The following ANKRD30B variants were observed in gnomAD, a reference collection of about 807,000 sequenced individuals.
ANKRD30B encodes ankyrin repeat domain-containing protein 30B.
ANKRD30B carries 144 observed loss-of-function variants against 202.2 expected under a neutral mutation model. The ratio of observed to expected loss-of-function variants is 0.71; its 90% confidence interval spans 0.62 to 0.82. The LOEUF is 0.82. Ranked by LOEUF, ANKRD30B falls within the 40% of genes least tolerant of loss-of-function variation. ANKRD30B has a pLI of 0.00. For synonymous variants in ANKRD30B, 508 were observed against 561.3 expected, an observed-to-expected ratio of 0.91 and a Z score of 1.34; for missense variants, 1,487 against 1,669.1, an observed-to-expected ratio of 0.89 and a Z score of 1.90.
chr18:14,885,353 C>A, the ANKRD30B span, among the ~76,000 whole-genome samples: 4 of 151,980 alleles, frequency 2.6e-5, no homozygotes, highest in Non-Finnish European at 4.4e-5. Flanking sequence ...ATAAGCCCTG[C>A]AAGTCATTCT....
At chr18:14,904,272 G>A in the ANKRD30B span, among the ~76,000 whole-genome samples, 3 of 152,244 alleles carry the variant, frequency 2.0e-5, no homozygotes, top group African/African-American at 4.8e-5. Context: ...CTGGCCGTGT[G>A]TCTAAGCTAG....
At chr18:14,778,521 T>C (rs1201525131) in intron 10 of ANKRD30B, among the ~76,000 whole-genome samples, 1 of 152,250 alleles carries the variant, frequency 6.6e-6, no homozygotes, top group Non-Finnish European at 1.5e-5. Flanking sequence ...ACTCTTGTCT[T>C]TCTCACCGGT....
intron 14 of ANKRD30B, among the ~76,000 whole-genome samples, chr18:14,786,798 A>G (rs1253940822): frequency 6.6e-6 from 1 of 152,208 alleles, no homozygotes; most frequent in East Asian, 1.9e-4. Flanking sequence ...GAAATAACTC[A>G]TACAAGTTAG....
At chr18:14,784,594 G>C in intron 14 of ANKRD30B, 59 bp downstream of exon 14, 1 of 1,518,558 alleles carries the variant, frequency 6.6e-7, no homozygotes, top group South Asian at 1.2e-5. Context: ...CATTTTGATA[G>C]TCTTTCTATC....
intron 5 of ANKRD30B, 137 bp from the exon 6 acceptor site, chr18:14,760,417 T>G: frequency 1.8e-6 from 1 of 541,402 alleles, no homozygotes; most frequent in South Asian, 2.4e-5. Flanking sequence ...CTTACAAACT[T>G]AAAGTCTGTG....
At chr18:14,792,976 A>C (rs983102512) in intron 16 of ANKRD30B, among the ~76,000 whole-genome samples, 1 of 152,260 alleles carries the variant, frequency 6.6e-6, no homozygotes, top group East Asian at 1.9e-4. Flanking sequence ...ACTGATTTTA[A>C]CCTAGAAAAT....
At chr18:14,764,643 C>T (rs1018774658) in intron 7 of ANKRD30B, among the ~76,000 whole-genome samples, 1 of 152,126 alleles carries the variant, frequency 6.6e-6, no homozygotes, top group African/African-American at 2.4e-5. Context: ...CCGCCTTGGC[C>T]TCCAAAAGTG....
At chr18:14,898,662 C>T in the ANKRD30B span, among the ~76,000 whole-genome samples, 1 of 152,128 alleles carries the variant, frequency 6.6e-6, no homozygotes, top group Non-Finnish European at 1.5e-5. Context: ...CTTTTATTGA[C>T]TCTTTTGTCC....
intron 36 of ANKRD30B, among the ~76,000 whole-genome samples, chr18:14,838,918 A>T (rs1359329555): frequency 6.6e-6 from 1 of 152,248 alleles, no homozygotes; most frequent in Non-Finnish European, 1.5e-5. Flanking sequence ...AAAGTGGCAT[A>T]TATGTGAAAG....
chr18:14,921,178 C>T, the ANKRD30B span, among the ~76,000 whole-genome samples: 1 of 151,530 alleles, frequency 6.6e-6, no homozygotes, highest in South Asian at 2.1e-4. Flanking sequence ...ATACAACTGC[C>T]TGTTGTGGTG....
chr18:14,750,686 T>A lies in ANKRD30B; in HGVS notation c.222-1880T>A, dbSNP rs1315340383. 2.6e-5 allele frequency among the ~76,000 whole-genome samples: 4 copies of A among 152,244 alleles called. No homozygotes were observed. The East Asian group carries it at 7.7e-4, about 29-fold the overall frequency. The stretch of plus-strand genomic sequence containing the variant: ...TATTAAAAAGAATCCATTTAATGGC[T>A]TTTATAAATACATTTCAGTGAGTTT... On this transcript the variant is annotated intron_variant, in intron 1 of 43. Transcript: ENST00000690538.
the ANKRD30B span, among the ~76,000 whole-genome samples, chr18:14,878,898 T>G: frequency 5.3e-5 from 8 of 152,164 alleles, no homozygotes; most frequent in Admixed American, 5.2e-4. Context: ...CAGGAGGGGC[T>G]GCCATTCATC....
the ANKRD30B span, among the ~76,000 whole-genome samples, chr18:14,934,842 C>T: frequency 2.3e-4 from 35 of 151,826 alleles, no homozygotes; most frequent in Non-Finnish European, 4.0e-4. Context: ...TGCAGGCATG[C>T]GGCTGCAGGG....
chr18:14,894,599 T>C, the ANKRD30B span, among the ~76,000 whole-genome samples: 1 of 152,122 alleles, frequency 6.6e-6, no homozygotes, highest in Non-Finnish European at 1.5e-5. Context: ...AATCAGAACA[T>C]TTAATCTTGT....
chr18:14,864,816 C>A, the ANKRD30B span, among the ~76,000 whole-genome samples: 3 of 151,824 alleles, frequency 2.0e-5, no homozygotes, highest in Non-Finnish European at 2.9e-5. Context: ...ATCCTCCTTG[C>A]CACCCTTTCC....
chr18:14,830,963 A>G (rs547959064), intron 33 of ANKRD30B, among the ~76,000 whole-genome samples: 22 of 152,000 alleles, frequency 1.4e-4, no homozygotes, highest in Non-Finnish European at 2.6e-4. Flanking sequence ...CGGGCAGATC[A>G]CGAGGTCAGG....
In ANKRD30B at chr18:14,852,285, G is replaced by A; in HGVS notation, c.4341G>A (p.Lys1447=). Residue 1447 remains lysine, a synonymous_variant, in exon 42 of 44, where the codon AAG becomes AAA. Coordinates refer to ENST00000690538, the MANE Select transcript of ANKRD30B (RefSeq NM_001367607.2). The part of the protein sequence containing the change: ...VYAHKKVNKS[K]VTINIQFPEM... ...CACATAAGAAAGTTAACAAAAGCAAGGTAACAATTAATATTCAGTTTCCTG... is the reference window on the plus strand; with the variant it reads ...CACATAAGAAAGTTAACAAAAGCAAAGTAACAATTAATATTCAGTTTCCTG... 6.5e-7 allele frequency: 1 copy of A among 1,544,112 alleles called. No homozygotes were observed. Among genetic ancestry groups the A allele is most frequent in the Non-Finnish European group, 8.7e-7 (1 of 1,144,858 alleles).
intron 37 of ANKRD30B, among the ~76,000 whole-genome samples, chr18:14,841,332 G>A (rs1971411284): frequency 1.3e-5 from 2 of 152,158 alleles, no homozygotes; most frequent in Non-Finnish European, 2.9e-5. Flanking sequence ...GCAGACTTGG[G>A]ATTCTGGCAT....
Position 14,784,339 on chromosome 18 carries a change from T to C in ANKRD30B, c.1574T>C (p.Leu525Pro). Reference protein sequence around the residue: ...VMEINREVEELPEKPSAFKPA... With the variant: ...VMEINREVEEPPEKPSAFKPA... The stretch of plus-strand genomic sequence containing the variant: ...ATAAATCTCTTTTGCATTTTAGAGC[T>C]TCCTGAGAAGCCATCTGCCTTCAAG... Residue 525 changes from leucine (L) to proline (P), a missense_variant, in exon 13 of 44, where the codon CTT (leucine) becomes CCT (proline). By Grantham distance (98) the Leu-to-Pro change is moderately conservative. Coordinates refer to ENST00000690538, the MANE Select transcript of ANKRD30B (RefSeq NM_001367607.2). 2 of 1,612,518 alleles carry C rather than the reference T, an allele frequency of 1.2e-6. No individual in the cohort carries two copies. The highest frequency in any genetic ancestry group is 1.7e-6 in the Non-Finnish European group (2 of 1,179,114).
Sources: allele counts gnomAD v4.1 joint callset (sites outside exome capture counted in the v4.1 genomes callset), GRCh38; gene constraint gnomAD v4.1.1; transcripts MANE v1.5; gene names NCBI Gene and HGNC (gene_info 2026-07-23, HGNC 2026-07-21).